CYP2C8: variants seen among roughly 807,000 people sequenced by gnomAD.
CYP2C8 encodes cytochrome P450 family 2 subfamily C member 8.
In CYP2C8, 51 loss-of-function variants were observed where a neutral mutation model predicts 41.3. The ratio of observed to expected loss-of-function variants is 1.24; its 90% CI spans 0.99 to 1.56. The LOEUF (loss-of-function observed/expected upper bound fraction) is 1.56, where lower values mean the gene tolerates loss of function less well. CYP2C8 is among the 40% of genes most tolerant of loss of function. CYP2C8 has a pLI of 0.00. For synonymous variants in CYP2C8, 218 were observed against 205.8 expected (o/e 1.06, Z -0.51); for missense variants, 651 against 579.9 (o/e 1.12, Z -1.26).
At chr10:95,055,803 C>T (rs11572116) in intron 5 of CYP2C8, among the ~76,000 whole-genome samples, 12,143 of 152,112 alleles carry the variant, frequency 0.08, 610 homozygotes, top group Middle Eastern at 0.16. Context: ...TAGAAATAAG[C>T]AAAGGGCCAG....
intron 8 of CYP2C8, 98 bp from the exon 9 acceptor site, chr10:95,037,407 ATAAT>A (rs1204707465): frequency 6.6e-5 from 66 of 996,036 alleles, no homozygotes; most frequent in Middle Eastern, 3.0e-4. Flanking sequence ...TATGCAGTAA[ATAAT>A]TGATTAATGA....
rs11572156 is a variant in CYP2C8 at position 95,045,738 on chromosome 10, A to G, written c.961+72T>C. The G allele has an allele frequency of 2.2e-4, 352 of 1,570,182 alleles. 1 individual carries two copies. The African/African-American group carries it at 4.3e-3, about 19-fold the overall frequency. On this transcript the variant is annotated intron_variant, in intron 6 of 8. Coordinates refer to ENST00000371270, the MANE Select transcript of CYP2C8 (RefSeq NM_000770.3). Reference sequence around the variant, plus strand: ...GAATGAGCCTTCTCTGAGAGAAACAAGGTGGAGGATACTGGCACCATCTTC... The same window carrying G: ...GAATGAGCCTTCTCTGAGAGAAACAGGGTGGAGGATACTGGCACCATCTTC...
At chr10:95,043,101 G>A in intron 6 of CYP2C8, 24 bp from the exon 7 acceptor site, 1 of 1,609,996 alleles carries the variant, frequency 6.2e-7, no homozygotes. Flanking sequence ...AGAAAGAACT[G>A]ATGGAAACGA....
intron 4 of CYP2C8, 138 bp from the exon 5 acceptor site, chr10:95,058,649 C>T: frequency 1.3e-6 from 1 of 769,730 alleles, no homozygotes; most frequent in East Asian, 2.7e-5. Flanking sequence ...TACATATATA[C>T]ATTTTTTATT....
At position 95,039,224 on chromosome 10, in the gene CYP2C8, C is replaced by A; in HGVS notation, c.1150-186G>T. The A allele has an allele frequency of 6.6e-6, 4 of 606,704 alleles. No individual in the cohort carries two copies. The South Asian group carries it at 7.6e-5, about 11-fold the overall frequency. 37.6% of individuals were successfully genotyped at this position (606,704 alleles called of 1,614,324 possible). On this transcript the variant is annotated intron_variant, in intron 7 of 8. Transcript: ENST00000371270. ...AGCTTGCTAAAGAGCTTTCCAATCA[C>A]ATTTGAAGTCTTACATCTTGGATAC...
intron 5 of CYP2C8, among the ~76,000 whole-genome samples, chr10:95,047,165 C>A (rs1188678799): frequency 6.6e-6 from 1 of 152,218 alleles, no homozygotes; most frequent in Non-Finnish European, 1.5e-5. Flanking sequence ...AAAAGCTGAG[C>A]AGATGCAAGC....
At position 95,043,707 on chromosome 10, in the gene CYP2C8, GAC is replaced by G. The variant is rs1338150888; in HGVS notation, c.962-632_962-631del. ...CATCTCCATCTCTATTCCATATATA[GAC>G]ACACGCCCACAAAGTTATATGTGTA... On this transcript the variant is annotated intron_variant, in intron 6 of 8. Coordinates refer to ENST00000371270, the MANE Select transcript of CYP2C8 (RefSeq NM_000770.3). Among the ~76,000 whole-genome samples the G allele has an allele frequency of 6.6e-5, 10 of 151,848 alleles. No homozygotes were observed. The South Asian group carries it at 8.3e-4, about 13-fold the overall frequency.
At position 95,061,478 on chromosome 10, in the gene CYP2C8, G is replaced by A. The variant is rs189642770; in HGVS notation, c.643-2967C>T. Among the ~76,000 whole-genome samples, 424 of 152,096 alleles carry A rather than the reference G, an allele frequency of 2.8e-3. 1 individual carries two copies. Among genetic ancestry groups the A allele is most frequent in the African/African-American group, 9.2e-3 (380 of 41,488 alleles). On this transcript the variant is annotated intron_variant, in intron 4 of 8. Coordinates refer to ENST00000371270, the MANE Select transcript of CYP2C8 (RefSeq NM_000770.3). Reference sequence around the variant, plus strand: ...TGGTAATTTGTATTTCTGTGGGATCGGTTGTGATATCCCCTTTATCATTTT... The same window carrying A: ...TGGTAATTTGTATTTCTGTGGGATCAGTTGTGATATCCCCTTTATCATTTT...
At chr10:95,048,379 T>C (rs1475051319) in intron 5 of CYP2C8, among the ~76,000 whole-genome samples, 1 of 152,158 alleles carries the variant, frequency 6.6e-6, no homozygotes, top group Middle Eastern at 3.2e-3. Context: ...TGAATGGGGC[T>C]TAACTGGGCC....
chr10:95,038,873 C>T (rs1021583089), intron 8 of CYP2C8, 24 bp downstream of exon 8: 2 of 1,612,066 alleles, frequency 1.2e-6, no homozygotes, highest in Admixed American at 1.7e-5. Flanking sequence ...CCTTTAAATA[C>T]AAATGGAAAC....
chr10:95,067,889 G>T (rs184594227), intron 1 of CYP2C8, among the ~76,000 whole-genome samples, 198 bp from the exon 2 acceptor site: 1 of 152,108 alleles, frequency 6.6e-6, no homozygotes, highest in Non-Finnish European at 1.5e-5. Context: ...GATGTGCCAC[G>T]CAATGACCCA....
rs921028239 is a variant in CYP2C8 at position 95,060,501 on chromosome 10, G to C, written c.643-1990C>G. 2.0e-5 allele frequency among the ~76,000 whole-genome samples: 3 copies of C among 152,264 alleles called. No individual in the cohort carries two copies. In the South Asian group the frequency reaches 6.2e-4, roughly 32 times the overall value. Reference sequence around the variant, plus strand: ...TTTTTGCACATTGATTTTGTATCCCGAGACATTGCTGAAGTTGCTTATCAG... The same window carrying C: ...TTTTTGCACATTGATTTTGTATCCCCAGACATTGCTGAAGTTGCTTATCAG... On this transcript the variant is annotated intron_variant, in intron 4 of 8. Coordinates refer to ENST00000371270, the MANE Select transcript of CYP2C8 (RefSeq NM_000770.3).
chr10:95,043,897 C>T (rs1277934447), intron 6 of CYP2C8, among the ~76,000 whole-genome samples: 1 of 151,522 alleles, frequency 6.6e-6, no homozygotes, highest in Non-Finnish European at 1.5e-5. Flanking sequence ...CATATACACA[C>T]ATACACATTC....
chr10:95,068,070 T>C (rs1015970585), intron 1 of CYP2C8, among the ~76,000 whole-genome samples: 1 of 152,220 alleles, frequency 6.6e-6, no homozygotes, highest in East Asian at 1.9e-4. Context: ...TAATTTAAAC[T>C]GATGCTTGAG....
intron 5 of CYP2C8, among the ~76,000 whole-genome samples, chr10:95,054,214 C>G (rs965274248): frequency 6.6e-5 from 10 of 151,804 alleles, no homozygotes; most frequent in African/African-American, 2.2e-4. Context: ...TGTGCCATAA[C>G]TAAATGGGAT....
rs760313151 is a variant in CYP2C8, at chr10:95,067,248, C to G, written c.441G>C (p.Glu147Asp). ...GKRSIEDRVQ[E>D]EAHCLVEELR... Reference sequence around the variant, plus strand: ...ACTCCTCCACAAGGCAGTGAGCTTCCTCTTGAACACGGTCCTCAATGCTCC... The same window carrying G: ...ACTCCTCCACAAGGCAGTGAGCTTCGTCTTGAACACGGTCCTCAATGCTCC... Residue 147 changes from glutamate (E) to aspartate (D), a missense_variant, in exon 3 of 9, where the codon GAG (glutamate) becomes GAC (aspartate). Transcript: ENST00000371270. 19 of 1,614,184 alleles carry G rather than the reference C, an allele frequency of 1.2e-5. No individual in the cohort carries two copies. The highest frequency in any genetic ancestry group is 1.5e-5 in the Non-Finnish European group (18 of 1,180,024).
chr10:95,037,372 TCATTTGTGACTTG>T, intron 8 of CYP2C8, 63 bp from the exon 9 acceptor site: 3 of 1,461,830 alleles, frequency 2.1e-6, no homozygotes, highest in Non-Finnish European at 2.9e-6. Context: ...TGACAAACAG[TCATTTGTGACTTG>T]CACAAACAGA....
intron 4 of CYP2C8, among the ~76,000 whole-genome samples, chr10:95,062,202 T>G (rs934959086): frequency 6.6e-6 from 1 of 152,192 alleles, no homozygotes; most frequent in East Asian, 1.9e-4. Flanking sequence ...CCTTGTTAAC[T>G]TTCTGTCTCG....
At chr10:95,060,103 C>T (rs1251980792) in intron 4 of CYP2C8, among the ~76,000 whole-genome samples, 6 of 152,096 alleles carry the variant, frequency 3.9e-5, no homozygotes, top group South Asian at 2.1e-4. Flanking sequence ...GTTCTTTTGG[C>T]TTAGGATTGA....
Sources: gnomAD v4.1 joint callset for allele counts (sites outside exome capture counted in the v4.1 genomes callset) on GRCh38, gnomAD v4.1.1 for gene constraint, MANE v1.5 for transcripts, NCBI Gene and HGNC (gene_info 2026-07-23, HGNC 2026-07-21) for gene names.